BSPH1: variants seen among roughly 807,000 people sequenced by gnomAD.
BSPH1 encodes binder of sperm protein homolog 1.
In BSPH1, 21 loss-of-function variants were observed where a neutral mutation model predicts 22.5. That is an observed-to-expected ratio of 0.93 (90% CI 0.66 to 1.35). BSPH1 has a LOEUF of 1.35. Ranked by LOEUF, BSPH1 falls within the 40% of genes most tolerant of loss-of-function variation. BSPH1 has a pLI of 0.00. For missense variants in BSPH1, 141 were observed against 154.2 expected (o/e 0.91, Z 0.45); for synonymous variants, 42 against 53.6 (o/e 0.78, Z 0.95).
At chr19:47,991,925 C>A in intron 1 of BSPH1, 84 bp downstream of exon 1, 1 of 857,956 alleles carries the variant, frequency 1.2e-6, no homozygotes, top group Non-Finnish European at 1.9e-6. Context: ...TTCATCCCCA[C>A]CTTCTCCCTC....
At chr19:47,983,560 C>T (rs1029941853) in intron 1 of BSPH1, among the ~76,000 whole-genome samples, 1 of 152,146 alleles carries the variant, frequency 6.6e-6, no homozygotes, top group Non-Finnish European at 1.5e-5. Context: ...AAACACAGTG[C>T]ACCATCCTCG....
At chr19:47,977,553 G>A (rs1038333771) in intron 3 of BSPH1, 49 bp from the exon 4 acceptor site, 4 of 1,540,890 alleles carry the variant, frequency 2.6e-6, no homozygotes, top group African/African-American at 1.4e-5. Flanking sequence ...TTAGGAGAGA[G>A]GTTATCAAGC....
intron 2 of BSPH1, among the ~76,000 whole-genome samples, 185 bp downstream of exon 2, chr19:47,980,736 C>T (rs928872736): frequency 3.3e-5 from 5 of 151,996 alleles, no homozygotes; most frequent in African/African-American, 1.2e-4. Context: ...TCCCAAAGTG[C>T]TGGGACTCTT....
rs183915771 is a variant in BSPH1, at chr19:47,991,269, G to A, written c.73+740C>T. On this transcript the variant is annotated intron_variant, in intron 1 of 5. Transcript: ENST00000344839. ...GCAGGAGCCCCATGTGCCGGGCCAT[G>A]CTCCTGTCAGACACTCGTGGTCGAC... is the stretch of plus-strand genomic sequence containing the variant. Among the ~76,000 whole-genome samples, 80 of 152,190 alleles carry A rather than the reference G, an allele frequency of 5.3e-4. 2 individuals are homozygous for A. In the East Asian group the frequency reaches 0.013, roughly 24 times the overall value.
chr19:47,976,608 CCTCT>C, intron 5 of BSPH1, 98 bp downstream of exon 5: 3 of 610,866 alleles, frequency 4.9e-6, no homozygotes, highest in Non-Finnish European at 2.6e-6. Context: ...AAAAAAAAAC[CCTCT>C]CTAATGAGAA....
At chr19:47,979,732 A>G in intron 2 of BSPH1, 133 bp from the exon 3 acceptor site, 2 of 425,326 alleles carry the variant, frequency 4.7e-6, no homozygotes, top group Non-Finnish European at 4.3e-6. Flanking sequence ...TATGTTTTCC[A>G]TCCAAGAACA....
rs543883327 is a variant in BSPH1 at position 47,984,031 on chromosome 19, G to A, written c.74-3090C>T. 7.9e-5 allele frequency among the ~76,000 whole-genome samples: 12 copies of A among 151,586 alleles called. 1 individual carries two copies. The South Asian group carries it at 2.3e-3, about 29-fold the overall frequency. ...TTGGCTAATTCTTGTATTTTTAGTAGAGACAGGGTTTTGCCATGTTGGTCA... is the reference window on the plus strand; with the variant it reads ...TTGGCTAATTCTTGTATTTTTAGTAAAGACAGGGTTTTGCCATGTTGGTCA... On this transcript the variant is annotated intron_variant, in intron 1 of 5. Coordinates refer to ENST00000344839, the MANE Select transcript of BSPH1 (RefSeq NM_001128326.2).
intron 3 of BSPH1, among the ~76,000 whole-genome samples, chr19:47,978,022 A>T (rs1600087408): frequency 7.8e-6 from 1 of 128,614 alleles, no homozygotes; most frequent in Non-Finnish European, 1.7e-5. Flanking sequence ...ATATATATAT[A>T]TATATATAGT....
chr19:47,980,913 C>G lies in BSPH1; in HGVS notation c.94+8G>C. The stretch of plus-strand genomic sequence containing the variant: ...GAAACGCTAATAAAAGTTTTTTGAT[C>G]AACTCACCCACAGTTGATGATAATT... On this transcript the variant is annotated splice_region_variant and intron_variant, in intron 2 of 5. Coordinates refer to ENST00000344839, the MANE Select transcript of BSPH1 (RefSeq NM_001128326.2). 6.9e-7 allele frequency: 1 copy of G among 1,454,482 alleles called. No individual in the cohort carries two copies. Among genetic ancestry groups the G allele is most frequent in the East Asian group, 2.6e-5 (1 of 38,716 alleles). The allele number at this position is 1,454,482 out of a possible 1,614,324, so 90.1% of individuals were successfully genotyped here.
intron 1 of BSPH1, among the ~76,000 whole-genome samples, chr19:47,991,386 C>A (rs1966872846): frequency 6.6e-6 from 1 of 151,560 alleles, no homozygotes; most frequent in African/African-American, 2.4e-5. Flanking sequence ...CCCACTTCTT[C>A]CTTGTCCCTC....
rs141869936 is a variant in BSPH1, at chr19:47,987,879, C to T, written c.73+4130G>A. On this transcript the variant is annotated intron_variant, in intron 1 of 5. Coordinates refer to ENST00000344839, the MANE Select transcript of BSPH1 (RefSeq NM_001128326.2). ...CATGGTGGTGTGCTCCTGTGGTTCCCGTACTGGGAGGCTGAGTTGGAGGAT... is the reference window on the plus strand; with the variant it reads ...CATGGTGGTGTGCTCCTGTGGTTCCTGTACTGGGAGGCTGAGTTGGAGGAT... Among the ~76,000 whole-genome samples, 386 of 152,022 alleles carry T rather than the reference C, an allele frequency of 2.5e-3. 1 individual carries two copies. The highest frequency in any genetic ancestry group is 8.8e-3 in the African/African-American group (366 of 41,448).
At position 47,991,256 on chromosome 19, in the gene BSPH1, T is replaced by C. The variant is rs774106262; in HGVS notation, c.73+753A>G. 2.4e-4 allele frequency among the ~76,000 whole-genome samples: 36 copies of C among 152,026 alleles called. 1 individual carries two copies. Among genetic ancestry groups the C allele is most frequent in the Middle Eastern group, 3.2e-3 (1 of 316 alleles). The stretch of plus-strand genomic sequence containing the variant: ...CAGACCCAAACCAGCAGGAGCCCCA[T>C]GTGCCGGGCCATGCTCCTGTCAGAC... On this transcript the variant is annotated intron_variant, in intron 1 of 5. Coordinates refer to ENST00000344839, the MANE Select transcript of BSPH1 (RefSeq NM_001128326.2).
chr19:47,980,475 T>TTA, intron 2 of BSPH1: 3 of 286,762 alleles, frequency 1.0e-5, no homozygotes, highest in Non-Finnish European at 1.4e-5. Flanking sequence ...CTCTTCTTCT[T>TTA]TCTTTTTTTT....
intron 5 of BSPH1, among the ~76,000 whole-genome samples, chr19:47,974,788 T>C (rs947633103): frequency 4.0e-5 from 6 of 151,268 alleles, no homozygotes; most frequent in East Asian, 2.0e-4. Flanking sequence ...ACTACCCAAT[T>C]TGAGCGTGCA....
intron 5 of BSPH1, among the ~76,000 whole-genome samples, chr19:47,970,391 C>T (rs1969301456): frequency 6.6e-6 from 1 of 152,156 alleles, no homozygotes; most frequent in Non-Finnish European, 1.5e-5. Context: ...GTGTCTTATT[C>T]TTCTCTTTTT....
chr19:47,969,678 AGAGGGG>A, intron 5 of BSPH1, among the ~76,000 whole-genome samples: 1 of 123,804 alleles, frequency 8.1e-6, no homozygotes, highest in African/African-American at 3.0e-5. Flanking sequence ...TAAGGCAGGG[AGAGGGG>A]GAGAGAGAGA....
intron 3 of BSPH1, among the ~76,000 whole-genome samples, chr19:47,978,949 A>C (rs1969393505): frequency 6.6e-6 from 1 of 152,242 alleles, no homozygotes; most frequent in African/African-American, 2.4e-5. Context: ...TCACCTGTAC[A>C]TTTAAACAAT....
At chr19:47,974,267 C>G (rs111316253) in intron 5 of BSPH1, among the ~76,000 whole-genome samples, 1 of 63,442 alleles carries the variant, frequency 1.6e-5, no homozygotes, top group African/African-American at 8.6e-5. Flanking sequence ...CTCTCTCTCT[C>G]TCTTTTTTTT....
intron 1 of BSPH1, among the ~76,000 whole-genome samples, chr19:47,989,143 ATTATTATTATTATTATTT>A (rs1969499919): frequency 7.7e-6 from 1 of 129,224 alleles, no homozygotes. Flanking sequence ...TATTATTATT[ATTATTATTATTATTATTT>A]TGAGATGGAG....
Sources: gnomAD v4.1 joint callset for allele counts (sites outside exome capture counted in the v4.1 genomes callset) on GRCh38, gnomAD v4.1.1 for gene constraint, MANE v1.5 for transcripts, NCBI Gene and HGNC (gene_info 2026-07-23, HGNC 2026-07-21) for gene names.